Variants in PDE4D observed in about 807,000 individuals in gnomAD.
PDE4D encodes the protein 3',5'-cyclic-AMP phosphodiesterase 4D.
PDE4D carries 24 observed loss-of-function variants against 87.4 expected under a neutral mutation model. That is an observed-to-expected ratio of 0.27 (90% confidence interval 0.20 to 0.39). The LOEUF is 0.39. Ranked by LOEUF, PDE4D falls within the 10% of genes least tolerant of loss-of-function variation. The pLI, the probability that PDE4D is intolerant of heterozygous loss-of-function variation, is 1.00. For synonymous variants in PDE4D, 384 were observed against 383.2 expected (o/e 1.00, Z -0.02); for missense variants, 714 against 1,041.0 (o/e 0.69, Z 4.32).
intron 1 of PDE4D, among the ~76,000 whole-genome samples, chr5:59,619,406 TGAA>T (rs1172892647): frequency 6.6e-6 from 1 of 152,228 alleles, no homozygotes; most frequent in African/African-American, 2.4e-5. Context: ...GGCATGGATG[TGAA>T]GAAGACCACC....
intron 3 of PDE4D, among the ~76,000 whole-genome samples, chr5:59,964,820 A>T (rs1406243785): frequency 6.6e-6 from 1 of 152,084 alleles, no homozygotes; most frequent in Non-Finnish European, 1.5e-5. Flanking sequence ...TAATTGGTTT[A>T]GCATTACCAT....
Position 60,335,313 on chromosome 5 carries a change from G to C in PDE4D, c.-89-149626C>G, listed in dbSNP as rs148054426. Among the ~76,000 whole-genome samples, 493 of 152,330 alleles carry C rather than the reference G, an allele frequency of 3.2e-3. 4 individuals carry two copies. Among genetic ancestry groups the C allele is most frequent in the African/African-American group, 0.011 (464 of 41,586 alleles). ...GTAGAAAAGGGAAGGGGTGAGAGCAGGCTCAGTGAAGTCAGAGAGTGAAAA... is the reference window on the plus strand; with the variant it reads ...GTAGAAAAGGGAAGGGGTGAGAGCACGCTCAGTGAAGTCAGAGAGTGAAAA... On this transcript the variant is annotated intron_variant, in intron 1 of 16. Coordinates refer to the PDE4D transcript ENST00000502484.
chr5:60,495,267 G>A (rs974248066), intron 1 of PDE4D, among the ~76,000 whole-genome samples: 2 of 152,128 alleles, frequency 1.3e-5, no homozygotes, highest in Non-Finnish European at 1.5e-5. Context: ...AGAAATCAGA[G>A]GAGTGGAAAG....
At chr5:59,556,756 T>A (rs1818998360) in intron 1 of PDE4D, among the ~76,000 whole-genome samples, 2 of 152,146 alleles carry the variant, frequency 1.3e-5, no homozygotes. Flanking sequence ...CAATTTTCTC[T>A]TTTTAACATT....
upstream of PDE4D, among the ~76,000 whole-genome samples, chr5:59,896,034 T>C (rs900295041): frequency 9.2e-5 from 14 of 152,212 alleles, no homozygotes; most frequent in Non-Finnish European, 1.8e-4. Context: ...ATTTAACTTA[T>C]AATTCCAAAA....
chr5:59,133,017 C>T (rs911866551), intron 5 of PDE4D, among the ~76,000 whole-genome samples: 7 of 152,096 alleles, frequency 4.6e-5, no homozygotes, highest in African/African-American at 1.7e-4. Context: ...TTCTGCTTGT[C>T]CATTTCTGTT....
Position 59,430,887 on chromosome 5 carries a change from G to A in PDE4D, c.456-214919C>T, listed in dbSNP as rs186847910. ...GGAAATAATTATTTGCTATATTTTC[G>A]AAGAGGGAATATTGTTCACTAAACT... On this transcript the variant is annotated intron_variant, in intron 1 of 14. Coordinates refer to ENST00000340635, the MANE Select transcript of PDE4D (RefSeq NM_001104631.2). Among the ~76,000 whole-genome samples the A allele has an allele frequency of 1.1e-3, 173 of 152,178 alleles. 2 individuals carry two copies. The highest frequency in any genetic ancestry group is 3.9e-3 in the African/African-American group (161 of 41,524).
intron 1 of PDE4D, among the ~76,000 whole-genome samples, chr5:59,337,231 T>G (rs976792141): frequency 2.0e-5 from 3 of 152,066 alleles, no homozygotes; most frequent in Admixed American, 1.3e-4. Flanking sequence ...CAAGCTTGCA[T>G]GCTTCTTAAA....
chr5:60,175,863 T>G (rs1333878246), intron 2 of PDE4D, among the ~76,000 whole-genome samples: 1 of 152,170 alleles, frequency 6.6e-6, no homozygotes, highest in African/African-American at 2.4e-5. Flanking sequence ...AATCCTAGCA[T>G]ATATTCCATA....
intron 5 of PDE4D, among the ~76,000 whole-genome samples, chr5:59,091,456 A>G (rs1278670216): frequency 6.6e-6 from 1 of 152,168 alleles, no homozygotes; most frequent in Admixed American, 6.5e-5. Context: ...CATGATATAT[A>G]TTATGATGTG....
At chr5:59,818,435 C>A (rs2152685842) in intron 1 of PDE4D, among the ~76,000 whole-genome samples, 1 of 152,306 alleles carries the variant, frequency 6.6e-6, no homozygotes, top group Non-Finnish European at 1.5e-5. Context: ...AATACAACTA[C>A]TATCTCTATT....
rs1483622279 is a variant in PDE4D, at chr5:60,147,484, A to T, written c.42+38073T>A. 2.0e-5 allele frequency among the ~76,000 whole-genome samples: 3 copies of T among 152,212 alleles called. No homozygotes were observed. In the East Asian group the frequency reaches 5.8e-4, roughly 29 times the overall value. ...ATTAACAGGGAAGGTCAGCATTAAA[A>T]ACACTTTATTTTCTTACATTCACTT... is the stretch of plus-strand genomic sequence containing the variant. On this transcript the variant is annotated intron_variant, in intron 2 of 16. Transcript: ENST00000502484.
At chr5:59,342,756 G>A (rs566898642) in intron 1 of PDE4D, among the ~76,000 whole-genome samples, 4 of 152,004 alleles carry the variant, frequency 2.6e-5, no homozygotes, top group Admixed American at 2.6e-4. Flanking sequence ...TATAAAGTCA[G>A]AAGTAGTCTT....
chr5:59,604,846 A>G (rs1216812107), intron 1 of PDE4D, among the ~76,000 whole-genome samples: 1 of 152,084 alleles, frequency 6.6e-6, no homozygotes, highest in Non-Finnish European at 1.5e-5. Flanking sequence ...TTGGAGTACA[A>G]TTTAGCAAAT....
intron 2 of PDE4D, among the ~76,000 whole-genome samples, chr5:60,029,470 T>G (rs535890579): frequency 6.6e-6 from 1 of 152,308 alleles, no homozygotes; most frequent in Admixed American, 6.5e-5. Flanking sequence ...TGTCCCGCCT[T>G]TCCAGACTGA....
At chr5:59,830,700 G>T (rs1042211613) in intron 1 of PDE4D, among the ~76,000 whole-genome samples, 1 of 152,024 alleles carries the variant, frequency 6.6e-6, no homozygotes, top group Admixed American at 6.6e-5. Flanking sequence ...AACGTGTAGA[G>T]AATTGAAAAA....
At chr5:59,295,525 T>C (rs1262882297) in intron 1 of PDE4D, among the ~76,000 whole-genome samples, 3 of 152,188 alleles carry the variant, frequency 2.0e-5, no homozygotes, top group Admixed American at 2.0e-4. Context: ...AGGTTGCCTG[T>C]TGCCTCTGCT....
intron 5 of PDE4D, among the ~76,000 whole-genome samples, chr5:59,092,482 A>G (rs139511373): frequency 9.4e-4 from 143 of 152,316 alleles, no homozygotes; most frequent in African/African-American, 3.3e-3. Flanking sequence ...CATTACTAAG[A>G]TATTAATAAA....
intron 5 of PDE4D, among the ~76,000 whole-genome samples, chr5:59,081,134 C>T (rs1278975349): frequency 6.6e-6 from 1 of 152,150 alleles, no homozygotes; most frequent in Non-Finnish European, 1.5e-5. Context: ...TATGAATTTA[C>T]ACTTTTAACT....
Sources: allele counts gnomAD v4.1 joint callset (sites outside exome capture counted in the v4.1 genomes callset), GRCh38; gene constraint gnomAD v4.1.1; transcripts MANE v1.5; gene names NCBI Gene and HGNC (gene_info 2026-07-23, HGNC 2026-07-21).